The following WDPCP variants were observed in gnomAD, a reference collection of about 807,000 sequenced individuals.
The protein encoded by WDPCP is WD repeat containing planar cell polarity effector.
In WDPCP, 71 loss-of-function variants were observed where a neutral mutation model predicts 93.1. That is an observed-to-expected ratio of 0.76 (90% CI 0.63 to 0.93). WDPCP has a LOEUF of 0.93. Ranked by LOEUF, WDPCP falls within the 40% of genes least tolerant of loss-of-function variation. WDPCP has a pLI of 0.00. For synonymous variants in WDPCP, 315 were observed against 315.0 expected (o/e 1.00, Z 0.00); for missense variants, 844 against 887.4 (o/e 0.95, Z 0.62).
chr2:63,282,307 C>G (rs770641874), intron 13 of WDPCP, among the ~76,000 whole-genome samples: 58 of 152,144 alleles, frequency 3.8e-4, no homozygotes, highest in Non-Finnish European at 6.8e-4. Flanking sequence ...GAGTTCAAGA[C>G]CAGCCTGGCC....
intron 14 of WDPCP, among the ~76,000 whole-genome samples, chr2:63,241,524 CA>C (rs1230225347): frequency 3.3e-5 from 5 of 152,094 alleles, no homozygotes; most frequent in Admixed American, 1.3e-4. Flanking sequence ...AGTATAAGAG[CA>C]AATCTTTACC....
chr2:63,674,788 C>T (rs1710386138), intron 2 of WDPCP, among the ~76,000 whole-genome samples: 1 of 151,594 alleles, frequency 6.6e-6, no homozygotes. Flanking sequence ...CAAATTTTGA[C>T]TCTCATTTTC....
intron 13 of WDPCP, among the ~76,000 whole-genome samples, chr2:63,309,461 G>A (rs760067758): frequency 3.3e-5 from 5 of 152,128 alleles, no homozygotes; most frequent in African/African-American, 9.7e-5. Flanking sequence ...TTCAAGTCCA[G>A]TCTGAGCAAC....
chr2:63,683,459 T>C (rs2103640513), intron 2 of WDPCP, among the ~76,000 whole-genome samples: 1 of 152,268 alleles, frequency 6.6e-6, no homozygotes, highest in African/African-American at 2.4e-5. Flanking sequence ...TCAGACAAAA[T>C]GTCATATTTA....
rs1669532354 is a variant in WDPCP at position 63,121,324 on chromosome 2, T to C, written c.*682A>G. The C allele has an allele frequency of 1.3e-5, 2 of 151,878 alleles. No individual in the cohort carries two copies. The highest frequency in any genetic ancestry group is 1.3e-4 in the Admixed American group (2 of 15,244). 9.4% of individuals were successfully genotyped at this position (151,878 alleles called of 1,614,324 possible). A position where few individuals can be genotyped will look rare whatever the true frequency, so the allele number is the denominator to read the frequency against. On this transcript the variant is annotated 3_prime_UTR_variant, in exon 18 of 18. Coordinates refer to ENST00000272321, the MANE Select transcript of WDPCP (RefSeq NM_015910.7). ...TGCATAATAAATACTGTATTTGTAA[T>C]GTAAATTAATAATGTAAACAAGAGC...
chr2:63,667,255 G>T (rs1332783013), intron 2 of WDPCP, among the ~76,000 whole-genome samples: 1 of 152,172 alleles, frequency 6.6e-6, no homozygotes, highest in Non-Finnish European at 1.5e-5. Flanking sequence ...TTTGGCAAGT[G>T]ATGTTCACAC....
At chr2:63,416,489 CACA>C (rs1695431619) in intron 9 of WDPCP, among the ~76,000 whole-genome samples, 1 of 151,972 alleles carries the variant, frequency 6.6e-6, no homozygotes, top group African/African-American at 2.4e-5. Flanking sequence ...TGCGAGCCAC[CACA>C]CTTGGATATG....
intron 2 of WDPCP, among the ~76,000 whole-genome samples, chr2:63,668,584 C>T (rs771155391): frequency 3.3e-5 from 5 of 152,212 alleles, no homozygotes; most frequent in Non-Finnish European, 7.3e-5. Context: ...AATATATATT[C>T]ATGGGCAGGA....
chr2:63,604,938 G>A, intron 3 of WDPCP: 1 of 1,532,540 alleles, frequency 6.5e-7, no homozygotes, highest in Non-Finnish European at 8.9e-7. Context: ...TCTTAGGACA[G>A]AAAACCTTAA....
intron 2 of WDPCP, among the ~76,000 whole-genome samples, chr2:63,777,343 A>G (rs1386235292): frequency 6.6e-6 from 1 of 152,214 alleles, no homozygotes; most frequent in Non-Finnish European, 1.5e-5. Flanking sequence ...GAACAGCTGG[A>G]ACTCTCTGCA....
At chr2:63,423,972 G>A (rs1696059064) in intron 9 of WDPCP, among the ~76,000 whole-genome samples, 1 of 152,082 alleles carries the variant, frequency 6.6e-6, no homozygotes, top group Non-Finnish European at 1.5e-5. Context: ...ATTCAATAGA[G>A]AGGGATATAG....
intron 3 of WDPCP, among the ~76,000 whole-genome samples, chr2:63,630,893 G>A (rs1307686847): frequency 1.3e-5 from 2 of 152,160 alleles, no homozygotes; most frequent in African/African-American, 2.4e-5. Context: ...ATAATACAGA[G>A]TATGTTCTCT....
At chr2:63,788,823 C>T (rs1028740551) in intron 2 of WDPCP, among the ~76,000 whole-genome samples, 1 of 152,138 alleles carries the variant, frequency 6.6e-6, no homozygotes, top group Non-Finnish European at 1.5e-5. Flanking sequence ...CTTTCTTTAC[C>T]TATCCACTGA....
chr2:63,214,034 A>C (rs1178536355), intron 14 of WDPCP, among the ~76,000 whole-genome samples: 1 of 152,212 alleles, frequency 6.6e-6, no homozygotes, highest in Non-Finnish European at 1.5e-5. Flanking sequence ...GCCGAATTCT[A>C]CCTGAGGTAC....
intron 2 of WDPCP, among the ~76,000 whole-genome samples, chr2:63,491,232 T>C (rs1174334411): frequency 1.3e-5 from 2 of 152,192 alleles, no homozygotes; most frequent in Non-Finnish European, 2.9e-5. Flanking sequence ...TCCTACATTA[T>C]CTCTGTTTCT....
chr2:63,477,494 C>T (rs1188610080), intron 6 of WDPCP, among the ~76,000 whole-genome samples: 1 of 151,932 alleles, frequency 6.6e-6, no homozygotes, highest in Non-Finnish European at 1.5e-5. Context: ...GATTTGAAAA[C>T]CATTCTGGGA....
intron 6 of WDPCP, among the ~76,000 whole-genome samples, chr2:63,481,598 A>T (rs1700268987): frequency 6.6e-6 from 1 of 152,098 alleles, no homozygotes; most frequent in Admixed American, 6.6e-5. Context: ...ACAGCAATTT[A>T]GATGGAATTG....
intron 2 of WDPCP, among the ~76,000 whole-genome samples, chr2:63,722,201 T>C (rs1213480371): frequency 2.7e-5 from 4 of 148,724 alleles, no homozygotes; most frequent in African/African-American, 1.0e-4. Flanking sequence ...TCATCTGGGA[T>C]GTGAGGAGCC....
intron 2 of WDPCP, among the ~76,000 whole-genome samples, chr2:63,706,685 C>T (rs1190162968): frequency 3.6e-5 from 5 of 139,800 alleles, no homozygotes; most frequent in East Asian, 2.1e-4. Flanking sequence ...GGCGCAATCT[C>T]GGCTCACTGC....
Sources: gnomAD v4.1 joint callset for allele counts (sites outside exome capture counted in the v4.1 genomes callset) on GRCh38, gnomAD v4.1.1 for gene constraint, MANE v1.5 for transcripts, NCBI Gene and HGNC (gene_info 2026-07-23, HGNC 2026-07-21) for gene names.